CNTN5: variants seen among roughly 807,000 people sequenced by gnomAD.
The protein encoded by CNTN5 is contactin-5.
CNTN5 carries 77 observed loss-of-function variants against 129.1 expected under a neutral mutation model. The observed-to-expected ratio is 0.60, with a 90% CI of 0.50 to 0.72. CNTN5 has a LOEUF of 0.72. Among genes scored for constraint, CNTN5 ranks in the 30% least tolerant of loss-of-function variants. The probability of loss-of-function intolerance (pLI) is 0.00; values close to 1 mark genes in which losing one functional copy is unlikely to be tolerated. For missense variants in CNTN5, 1,478 were observed against 1,328.8 expected, an observed-to-expected ratio of 1.11 and a Z score of -1.75; for synonymous variants, 509 against 465.6, an observed-to-expected ratio of 1.09 and a Z score of -1.20.
chr11:99,850,859 T>G (rs2135723320), intron 6 of CNTN5, among the ~76,000 whole-genome samples: 1 of 152,246 alleles, frequency 6.6e-6, no homozygotes, highest in South Asian at 2.1e-4. Context: ...CTTGACAAAT[T>G]TTCATAAAAA....
intron 3 of CNTN5, among the ~76,000 whole-genome samples, chr11:99,740,786 T>C (rs374095082): frequency 2.9e-4 from 44 of 152,302 alleles, no homozygotes; most frequent in African/African-American, 1.0e-3. Flanking sequence ...TGAAGAAATA[T>C]GGATATCTAG....
intron 16 of CNTN5, among the ~76,000 whole-genome samples, chr11:100,226,087 T>C (rs1457253309): frequency 6.6e-6 from 1 of 152,124 alleles, no homozygotes. Flanking sequence ...AGCATGTATA[T>C]CTGTGTTACC....
At chr11:100,043,541 A>G (rs901205083) in intron 9 of CNTN5, among the ~76,000 whole-genome samples, 1 of 152,206 alleles carries the variant, frequency 6.6e-6, no homozygotes. Context: ...TGCACTTTCC[A>G]TAAACTTGCA....
chr11:100,125,527 G>T (rs1381334275), intron 13 of CNTN5, among the ~76,000 whole-genome samples: 1 of 152,030 alleles, frequency 6.6e-6, no homozygotes, highest in Non-Finnish European at 1.5e-5. Flanking sequence ...AGTAGTCCAT[G>T]TTATATATGT....
intron 9 of CNTN5, among the ~76,000 whole-genome samples, chr11:100,052,780 C>A (rs1159329116): frequency 6.6e-6 from 1 of 151,688 alleles, no homozygotes; most frequent in African/African-American, 2.4e-5. Flanking sequence ...ACTTAGAAGA[C>A]TTGCACTACT....
At chr11:99,500,644 A>G (rs1476269301) in intron 2 of CNTN5, among the ~76,000 whole-genome samples, 1 of 151,868 alleles carries the variant, frequency 6.6e-6, no homozygotes, top group Non-Finnish European at 1.5e-5. Context: ...TTATTTTTTC[A>G]TGGCTACATA....
At chr11:99,537,536 T>A (rs543587920) in intron 2 of CNTN5, among the ~76,000 whole-genome samples, 114 of 152,234 alleles carry the variant, frequency 7.5e-4, no homozygotes, top group African/African-American at 2.7e-3. Flanking sequence ...TTCTTATAAC[T>A]AAGCACCCTT....
At chr11:100,165,413 T>C (rs1947596297) in intron 13 of CNTN5, among the ~76,000 whole-genome samples, 1 of 150,596 alleles carries the variant, frequency 6.6e-6, no homozygotes, top group Non-Finnish European at 1.5e-5. Context: ...AATGAATAGG[T>C]CACAGGGTTA....
At chr11:99,731,805 A>C (rs1400029081) in intron 3 of CNTN5, among the ~76,000 whole-genome samples, 1 of 152,182 alleles carries the variant, frequency 6.6e-6, no homozygotes, top group Non-Finnish European at 1.5e-5. Flanking sequence ...ATATATCTTA[A>C]GGGCTAGACT....
At chr11:99,598,258 C>CCTTTTCTTTTCTTTT (rs796751648) in intron 3 of CNTN5, among the ~76,000 whole-genome samples, 7 of 93,544 alleles carry the variant, frequency 7.5e-5, no homozygotes, top group African/African-American at 3.0e-4. Context: ...TCTTAGCTTT[C>CCTTTTCTTTTCTTTT]CTTTTCTTTT....
At chr11:99,947,031 T>A (rs1482762972) in intron 7 of CNTN5, among the ~76,000 whole-genome samples, 1 of 77,340 alleles carries the variant, frequency 1.3e-5, no homozygotes, top group Non-Finnish European at 2.7e-5. Context: ...AAAATGAGTA[T>A]GTTTTACATT....
At chr11:99,357,613 T>C (rs950812982) in intron 2 of CNTN5, among the ~76,000 whole-genome samples, 3 of 151,930 alleles carry the variant, frequency 2.0e-5, no homozygotes, top group Non-Finnish European at 4.4e-5. Flanking sequence ...CTATAGCATA[T>C]GCAAAATAAG....
At chr11:99,436,530 A>G (rs896880172) in intron 2 of CNTN5, among the ~76,000 whole-genome samples, 1 of 152,130 alleles carries the variant, frequency 6.6e-6, no homozygotes, top group African/African-American at 2.4e-5. Flanking sequence ...TCTTGTATCT[A>G]TTCTTTCAAA....
In CNTN5 at chr11:99,775,028, G is replaced by T. The variant is rs547920274; in HGVS notation, c.56-44516G>T. Among the ~76,000 whole-genome samples, 573 of 152,078 alleles carry T rather than the reference G, an allele frequency of 3.8e-3. 3 individuals are homozygous for T. The highest frequency in any genetic ancestry group is 0.013 in the African/African-American group (538 of 41,490). ...ACCTGAATAAATTGACCATGCTTTG[G>T]CAGAGCCATCAGAAGAGTATTGTGG... On this transcript the variant is annotated intron_variant, in intron 3 of 24. Coordinates refer to ENST00000524871, the MANE Select transcript of CNTN5 (RefSeq NM_014361.4).
intron 3 of CNTN5, among the ~76,000 whole-genome samples, chr11:99,636,621 C>G (rs1453027914): frequency 6.6e-6 from 1 of 152,008 alleles, no homozygotes; most frequent in Non-Finnish European, 1.5e-5. Context: ...CAGACCAAGT[C>G]ACTGTTAGTT....
chr11:99,208,132 A>T (rs1859574957), intron 1 of CNTN5, among the ~76,000 whole-genome samples: 1 of 152,174 alleles, frequency 6.6e-6, no homozygotes, highest in Non-Finnish European at 1.5e-5. Context: ...TGGGTGCGTG[A>T]AAAAGCAAAA....
intron 2 of CNTN5, among the ~76,000 whole-genome samples, chr11:99,439,966 T>C (rs1399470305): frequency 6.6e-6 from 1 of 152,014 alleles, no homozygotes. Context: ...GAAAACAATA[T>C]GGATCATTCG....
chr11:100,038,395 G>A (rs1591104646), intron 9 of CNTN5, among the ~76,000 whole-genome samples: 1 of 152,132 alleles, frequency 6.6e-6, no homozygotes, highest in Non-Finnish European at 1.5e-5. Context: ...CAACTATGTG[G>A]TCAATTTTGG....
intron 2 of CNTN5, among the ~76,000 whole-genome samples, chr11:99,500,600 T>G (rs1272424831): frequency 6.6e-6 from 1 of 152,272 alleles, no homozygotes; most frequent in African/African-American, 2.4e-5. Context: ...CACCTAAAAA[T>G]ATTTGGGACA....
Sources: gnomAD v4.1 joint callset for allele counts (sites outside exome capture counted in the v4.1 genomes callset) on GRCh38, gnomAD v4.1.1 for gene constraint, MANE v1.5 for transcripts, NCBI Gene and HGNC (gene_info 2026-07-23, HGNC 2026-07-21) for gene names.